Variants in LRMDA observed in about 807,000 individuals in gnomAD.
LRMDA encodes the protein leucine rich melanocyte differentiation associated.
LRMDA carries 18 observed loss-of-function variants against 29.8 expected under a neutral mutation model. That is an observed-to-expected ratio of 0.60 (90% CI 0.42 to 0.90). The LOEUF is 0.90. LRMDA is among the 40% of genes least tolerant of loss of function. LRMDA has a pLI of 0.00. For synonymous variants in LRMDA, 125 were observed against 109.4 expected, an observed-to-expected ratio of 1.14 and a Z score of -0.89; for missense variants, 273 against 273.9, an observed-to-expected ratio of 1.00 and a Z score of 0.02.
intron 2 of LRMDA, among the ~76,000 whole-genome samples, chr10:75,893,798 G>T (rs370128516): frequency 6.6e-6 from 1 of 152,050 alleles, no homozygotes; most frequent in Non-Finnish European, 1.5e-5. Context: ...GCTGGGCGTG[G>T]TGGCATGTGC....
chr10:76,053,261 AG>A (rs919404525), intron 4 of LRMDA, among the ~76,000 whole-genome samples: 10 of 152,302 alleles, frequency 6.6e-5, no homozygotes, highest in Admixed American at 5.9e-4. Flanking sequence ...AAGCTGACAG[AG>A]GGATGTCATC....
chr10:76,299,392 T>C (rs1466508436), intron 5 of LRMDA, among the ~76,000 whole-genome samples: 1 of 152,196 alleles, frequency 6.6e-6, no homozygotes, highest in East Asian at 1.9e-4. Flanking sequence ...TTTATCTAGA[T>C]ACACCACTGT....
At chr10:75,706,550 T>C (rs1447893874) in intron 2 of LRMDA, among the ~76,000 whole-genome samples, 1 of 152,196 alleles carries the variant, frequency 6.6e-6, no homozygotes, top group South Asian at 2.1e-4. Flanking sequence ...GATGATACTA[T>C]TCACTTAAAA....
chr10:76,399,720 A>G (rs960567151), intron 6 of LRMDA, among the ~76,000 whole-genome samples: 1 of 152,204 alleles, frequency 6.6e-6, no homozygotes, highest in Non-Finnish European at 1.5e-5. Context: ...TCCAGTTACT[A>G]GAGTTCAAAA....
intron 5 of LRMDA, among the ~76,000 whole-genome samples, chr10:76,237,699 A>G (rs1283997908): frequency 6.6e-6 from 1 of 151,762 alleles, no homozygotes; most frequent in Non-Finnish European, 1.5e-5. Flanking sequence ...GGAGGATCCC[A>G]GAAAGCGCAG....
At chr10:76,205,069 C>T (rs545296570) in intron 5 of LRMDA, among the ~76,000 whole-genome samples, 3 of 152,248 alleles carry the variant, frequency 2.0e-5, no homozygotes, top group Admixed American at 2.0e-4. Context: ...CCCTAGCAAC[C>T]GTGGGATCCT....
intron 6 of LRMDA, among the ~76,000 whole-genome samples, chr10:76,541,886 T>A (rs1467772647): frequency 1.3e-5 from 2 of 152,206 alleles, no homozygotes; most frequent in African/African-American, 2.4e-5. Context: ...ATCTTTTTTT[T>A]ATGTACTGTA....
chr10:75,821,205 C>T (rs1401391088), intron 2 of LRMDA, among the ~76,000 whole-genome samples: 1 of 152,098 alleles, frequency 6.6e-6, no homozygotes, highest in African/African-American at 2.4e-5. Context: ...GGCAAGCATA[C>T]AACAAAAAGA....
intron 5 of LRMDA, among the ~76,000 whole-genome samples, chr10:76,228,642 C>T (rs1490535248): frequency 5.3e-5 from 8 of 151,960 alleles, no homozygotes; most frequent in Non-Finnish European, 7.4e-5. Context: ...GTGGGGTTGG[C>T]GAGTCCAGGT....
At chr10:75,726,957 A>G (rs1260915819) in intron 2 of LRMDA, among the ~76,000 whole-genome samples, 2 of 152,168 alleles carry the variant, frequency 1.3e-5, no homozygotes, top group Non-Finnish European at 2.9e-5. Context: ...CTGATTATGC[A>G]AGGTTCTAGT....
chr10:76,483,036 T>A (rs1345955318), intron 6 of LRMDA, among the ~76,000 whole-genome samples: 1 of 151,990 alleles, frequency 6.6e-6, no homozygotes, highest in Non-Finnish European at 1.5e-5. Flanking sequence ...ATTTCCTCTA[T>A]TGTGAAATGG....
chr10:76,009,324 C>CA (rs940410667), intron 2 of LRMDA, among the ~76,000 whole-genome samples: 5 of 152,026 alleles, frequency 3.3e-5, no homozygotes, highest in South Asian at 4.2e-4. Flanking sequence ...AGCAACCAAA[C>CA]AAAAAAACAA....
chr10:75,523,051 TC>T (rs1179145775), intron 2 of LRMDA, among the ~76,000 whole-genome samples: 4 of 152,224 alleles, frequency 2.6e-5, no homozygotes, highest in African/African-American at 9.6e-5. Context: ...GACAATCATT[TC>T]CCCTCTTTGA....
At chr10:76,226,042 C>T (rs1371059090) in intron 5 of LRMDA, among the ~76,000 whole-genome samples, 1 of 152,004 alleles carries the variant, frequency 6.6e-6, no homozygotes, top group Non-Finnish European at 1.5e-5. Context: ...CATGTCCCTA[C>T]AAAGGACATG....
At chr10:76,230,566 A>C (rs896283694) in intron 5 of LRMDA, among the ~76,000 whole-genome samples, 15 of 151,586 alleles carry the variant, frequency 9.9e-5, no homozygotes, top group Non-Finnish European at 4.4e-5. Flanking sequence ...AAAAAAAAAA[A>C]AACCCCAAAA....
intron 2 of LRMDA, among the ~76,000 whole-genome samples, chr10:75,496,352 A>G (rs1845044334): frequency 1.3e-5 from 2 of 152,216 alleles, no homozygotes; most frequent in Admixed American, 6.5e-5. Flanking sequence ...GATATAATTC[A>G]ATGGAGAATG....
chr10:76,030,941 G>C (rs912840263), intron 2 of LRMDA, among the ~76,000 whole-genome samples: 2 of 152,214 alleles, frequency 1.3e-5, no homozygotes, highest in African/African-American at 2.4e-5. Context: ...CCATGCCTTT[G>C]TGGGAAGTTG....
At chr10:75,494,119 A>C (rs1158131466) in intron 2 of LRMDA, among the ~76,000 whole-genome samples, 1 of 152,180 alleles carries the variant, frequency 6.6e-6, no homozygotes, top group Non-Finnish European at 1.5e-5. Context: ...AGGCATTGTA[A>C]AGTTCATATG....
In LRMDA at chr10:75,534,330, T is replaced by G. The variant is rs546739866; in HGVS notation, c.131+95836T>G. The stretch of plus-strand genomic sequence containing the variant: ...CACATTTGGTGGACAGTGGTCCTCC[T>G]GGGACTTGCTGTCATGTGGTGTACT... On this transcript the variant is annotated intron_variant, in intron 2 of 6. Transcript: ENST00000611255. Among the ~76,000 whole-genome samples the G allele has an allele frequency of 8.5e-5, 13 of 152,340 alleles. 1 individual carries two copies. In the South Asian group the frequency reaches 2.7e-3, roughly 32 times the overall value.
Sources: gnomAD v4.1 joint callset for allele counts (sites outside exome capture counted in the v4.1 genomes callset) on GRCh38, gnomAD v4.1.1 for gene constraint, MANE v1.5 for transcripts, NCBI Gene and HGNC (gene_info 2026-07-23, HGNC 2026-07-21) for gene names.